CTAGE9: variants seen among roughly 807,000 people sequenced by gnomAD.
CTAGE9 encodes cutaneous T-cell lymphoma-associated antigen 9.
For synonymous variants in CTAGE9, 107 were observed against 315.9 expected, an observed-to-expected ratio of 0.34 and a Z score of 7.01; for missense variants, 248 against 884.0, an observed-to-expected ratio of 0.28 and a Z score of 9.12.
In CTAGE9 at chr6:131,710,784, A is replaced by G; in HGVS notation, c.234T>C (p.Leu78=). 6.2e-7 allele frequency: 1 copy of G among 1,613,324 alleles called. No homozygotes were observed. The highest frequency in any genetic ancestry group is 1.7e-4 in the Middle Eastern group (1 of 5,910). ...SRLYVGREQK[L]GATLSGLIEE... ...CAATTAGTCCAGAAAGCGTTGCACCAAGTTTTTGCTCTCTTCCCACATAAA... is the reference window on the plus strand; with the variant it reads ...CAATTAGTCCAGAAAGCGTTGCACCGAGTTTTTGCTCTCTTCCCACATAAA... The change falls in exon 1 of 1, where the codon CTT becomes CTC. Residue 78 remains leucine (L), a synonymous_variant. Coordinates refer to ENST00000314099, the MANE Select transcript of CTAGE9 (RefSeq NM_001145659.1).
Position 131,709,717 on chromosome 6 carries a change from C to T in CTAGE9, c.1301G>A (p.Arg434Lys), listed in dbSNP as rs551710176. 9 of 1,613,910 alleles carry T rather than the reference C, an allele frequency of 5.6e-6. No individual in the cohort carries two copies. The African/African-American group carries it at 1.2e-4, about 22-fold the overall frequency. ...SHATEELETY[R>K]KLAKDLEEEL... ...TTCTTCAAGATCTTTGGCTAGCTTT[C>T]TATAGGTCTCCAGCTCTTCAGTGGC... The change falls in exon 1 of 1, where the codon AGA becomes AAA. Residue 434 changes from arginine (R) to lysine (K), a missense_variant. Transcript: ENST00000314099.
chr6:131,710,768 CA>C lies in CTAGE9; in HGVS notation c.249del (p.Gly84AspfsTer2), dbSNP rs1454523278. The C allele has an allele frequency of 6.2e-7, 1 of 1,612,826 alleles. No homozygotes were observed. Among genetic ancestry groups the C allele is most frequent in the Non-Finnish European group, 8.5e-7 (1 of 1,179,818 alleles). On this transcript the variant is annotated frameshift_variant, in exon 1 of 1. Transcript: ENST00000314099. LOFTEE classifies it low-confidence loss of function (END_TRUNC). ...AGTTTACATTTTTCTTCAATTAGTC[CA>C]GAAAGCGTTGCACCAAGTTTTTGCT... ...GREQKLGATL[S>X]GLIEEKCKLL...
rs549241984 is a variant in CTAGE9, at chr6:131,709,792, C to T, written c.1226G>A (p.Arg409Gln). 1.1e-4 allele frequency: 178 copies of T among 1,613,370 alleles called. No individual in the cohort carries two copies. The highest frequency in any genetic ancestry group is 1.5e-4 in the Admixed American group (9 of 59,974). Reference sequence around the variant, plus strand: ...AGAAAGCTTCTCTTCTTCCTCTATTCGGTAATTTTCCTCCACTGTTAATTT... The same window carrying T: ...AGAAAGCTTCTCTTCTTCCTCTATTTGGTAATTTTCCTCCACTGTTAATTT... ...YRKLTVEENY[R>Q]IEEEEKLSRV... The change falls in exon 1 of 1, where the codon CGA (arginine) becomes CAA (glutamine). Residue 409 changes from arginine to glutamine, a missense_variant. Coordinates refer to ENST00000314099, the MANE Select transcript of CTAGE9 (RefSeq NM_001145659.1).
In CTAGE9 at chr6:131,710,066, G is replaced by C; in HGVS notation, c.952C>G (p.Leu318Val). ...DDPPKGALKK[L>V]IHAAKLNVSL... ...ACATTTAACTTAGCAGCATGAATCA[G>C]TTTCTTCAAAGCTCCTTTCGGAGGA... The change falls in exon 1 of 1, where the codon CTG (leucine) becomes GTG (valine). Residue 318 changes from leucine (L) to valine (V), a missense_variant. By Grantham distance (32) the Leu-to-Val change is conservative (BLOSUM62 1). Coordinates refer to ENST00000314099, the MANE Select transcript of CTAGE9 (RefSeq NM_001145659.1). 1 of 1,613,316 alleles carries C rather than the reference G, an allele frequency of 6.2e-7. No homozygotes were observed. Among genetic ancestry groups the C allele is most frequent in the Non-Finnish European group, 8.5e-7 (1 of 1,179,902 alleles).
chr6:131,710,737 T>A lies in CTAGE9; in HGVS notation c.281A>T (p.Glu94Val), dbSNP rs1252581144. Residue 94 changes from glutamate (E) to valine (V), a missense_variant, in exon 1 of 1, where the codon GAA becomes GTA. Physicochemically the swap from Glu to Val is moderately radical, Grantham distance 121. Coordinates refer to ENST00000314099, the MANE Select transcript of CTAGE9 (RefSeq NM_001145659.1). Reference sequence around the variant, plus strand: ...CTCTTTTTGAATAAGGCTAAACTTTTCAAGTAGTTTACATTTTTCTTCAAT... The same window carrying A: ...CTCTTTTTGAATAAGGCTAAACTTTACAAGTAGTTTACATTTTTCTTCAAT... ...GLIEEKCKLLEKFSLIQKEYE... is the reference protein window; with the variant it reads ...GLIEEKCKLLVKFSLIQKEYE... 1 of 1,611,566 alleles carries A rather than the reference T, an allele frequency of 6.2e-7. No homozygotes were observed. The highest frequency in any genetic ancestry group is 1.3e-5 in the African/African-American group (1 of 74,332).
Position 131,710,085 on chromosome 6 carries a change from C to T in CTAGE9, c.933G>A (p.Pro311=), listed in dbSNP as rs753264311. The part of the protein sequence containing the change: ...WENGANLDDP[P]KGALKKLIHA... ...GAATCAGTTTCTTCAAAGCTCCTTT[C>T]GGAGGATCATCTAAGTTAGCACCAT... is the stretch of plus-strand genomic sequence containing the variant. Residue 311 remains proline (P), a synonymous_variant, in exon 1 of 1, where the codon CCG becomes CCA. Transcript: ENST00000314099. The T allele has an allele frequency of 5.5e-5, 88 of 1,613,632 alleles. No homozygotes were observed. Among genetic ancestry groups the T allele is most frequent in the East Asian group, 4.5e-4 (20 of 44,878 alleles).
rs758941386 is a variant in CTAGE9 at position 131,708,868 on chromosome 6, C to T, written c.2150G>A (p.Arg717Lys). Reference sequence around the variant, plus strand: ...AGGAGGTGGGGGGAAAGGAGGTCCTCTTCTCATGAATGGGCCCCTTGTATC... The same window carrying T: ...AGGAGGTGGGGGGAAAGGAGGTCCTTTTCTCATGAATGGGCCCCTTGTATC... ...PVDTRGPFMRRGPPFPPPPPG... is the reference protein window; with the variant it reads ...PVDTRGPFMRKGPPFPPPPPG... Residue 717 changes from arginine to lysine, a missense_variant, in exon 1 of 1, where the codon AGA (arginine) becomes AAA (lysine). Arg to Lys is a conservative substitution (Grantham distance 26). Coordinates refer to ENST00000314099, the MANE Select transcript of CTAGE9 (RefSeq NM_001145659.1). The T allele has an allele frequency of 4.4e-6, 7 of 1,608,898 alleles. No homozygotes were observed. The highest frequency in any genetic ancestry group is 2.2e-5 in the East Asian group (1 of 44,822).
chr6:131,710,627 T>C lies in CTAGE9; in HGVS notation c.391A>G (p.Thr131Ala), dbSNP rs749824691. The change falls in exon 1 of 1, where the codon ACC becomes GCC. Residue 131 changes from threonine to alanine, a missense_variant. By Grantham distance (58) the Thr-to-Ala change is moderately conservative. Transcript: ENST00000314099. ...AAEEARSLEA[T>A]CEKLSRSNSE... Reference sequence around the variant, plus strand: ...TTGGACCTGCTCAGCTTTTCACAGGTTGCCTCCAAACTTCGTGCTTCTTCT... The same window carrying C: ...TTGGACCTGCTCAGCTTTTCACAGGCTGCCTCCAAACTTCGTGCTTCTTCT... 4.3e-6 allele frequency: 7 copies of C among 1,613,334 alleles called. No individual in the cohort carries two copies. Among genetic ancestry groups the C allele is most frequent in the South Asian group, 1.1e-5 (1 of 91,040 alleles).
At position 131,708,455 on chromosome 6, in the gene CTAGE9, A is replaced by G. The variant is rs1225005401; in HGVS notation, c.*229T>C. Among the ~76,000 whole-genome samples the G allele has an allele frequency of 6.6e-6, 1 of 152,286 alleles. No individual in the cohort carries two copies. Among genetic ancestry groups the G allele is most frequent in the Admixed American group, 6.5e-5 (1 of 15,290 alleles). ...TACTCATAAGATTCATATTCAAACC[A>G]TCTTTATTTACAAAATACTATCCTG... On this transcript the variant is annotated 3_prime_UTR_variant, in exon 1 of 1. Transcript: ENST00000314099.
chr6:131,709,805 C>T lies in CTAGE9; in HGVS notation c.1213G>A (p.Glu405Lys), dbSNP rs761946852. The change falls in exon 1 of 1, where the codon GAG (glutamate) becomes AAG (lysine). Residue 405 changes from glutamate to lysine, a missense_variant. Physicochemically the swap from Glu to Lys is moderately conservative, Grantham distance 56. Transcript: ENST00000314099. ...TCTTCCTCTATTCGGTAATTTTCCT[C>T]CACTGTTAATTTCCTGTAGAGTTTC... The part of the protein sequence containing the change: ...EMKLYRKLTV[E>K]ENYRIEEEEK... 3.3e-5 allele frequency: 54 copies of T among 1,612,426 alleles called. No individual in the cohort carries two copies. Among genetic ancestry groups the T allele is most frequent in the Admixed American group, 1.2e-4 (7 of 59,832 alleles).
In CTAGE9 at chr6:131,710,550, C is replaced by T. The variant is rs1055401194; in HGVS notation, c.468G>A (p.Glu156=). 3 of 1,611,998 alleles carry T rather than the reference C, an allele frequency of 1.9e-6. No individual in the cohort carries two copies. In the African/African-American group the frequency reaches 4.0e-5, roughly 22 times the overall value. Reference sequence around the variant, plus strand: ...CATCTTGTTGAGAATGTTTAGATTTCTCTTCTTTTAAGTCTTTTTCTAGAC... The same window carrying T: ...CATCTTGTTGAGAATGTTTAGATTTTTCTTCTTTTAAGTCTTTTTCTAGAC... The part of the protein sequence containing the change: ...ILCLEKDLKE[E]KSKHSQQDEL... Residue 156 remains glutamate (E), a synonymous_variant, in exon 1 of 1, where the codon GAG becomes GAA. Transcript: ENST00000314099.
chr6:131,708,909 A>T lies in CTAGE9; in HGVS notation c.2109T>A (p.Gly703=), dbSNP rs202060709. ...CCCTTGTATCCACTGGAAACAATGG[A>T]CCGCTGATTGGAGCAAGAGGTGGAG... ...LIPPPLAPIS[G]PLFPVDTRGP... The change falls in exon 1 of 1, where the codon GGT becomes GGA. Residue 703 remains glycine (G), a synonymous_variant. Transcript: ENST00000314099. 5,012 of 1,605,102 alleles carry T rather than the reference A, an allele frequency of 3.1e-3. 50 individuals are homozygous for T. Among genetic ancestry groups the T allele is most frequent in the Non-Finnish European group, 3.7e-3 (4,364 of 1,177,628 alleles).
Position 131,710,128 on chromosome 6 carries a change from A to G in CTAGE9, c.890T>C (p.Val297Ala). ...AGCACCATTTTCCCATTGACTGTTCACTTTTAATTCCAGGTTATCATCATC... is the reference window on the plus strand; with the variant it reads ...AGCACCATTTTCCCATTGACTGTTCGCTTTTAATTCCAGGTTATCATCATC... ...TTDDDNLELK[V>A]NSQWENGANL... Residue 297 changes from valine to alanine, a missense_variant, in exon 1 of 1, where the codon GTG becomes GCG. Coordinates refer to ENST00000314099, the MANE Select transcript of CTAGE9 (RefSeq NM_001145659.1). 1 of 1,613,982 alleles carries G rather than the reference A, an allele frequency of 6.2e-7. No individual in the cohort carries two copies. Among genetic ancestry groups the G allele is most frequent in the Non-Finnish European group, 8.5e-7 (1 of 1,179,898 alleles).
In CTAGE9 at chr6:131,710,138, C is replaced by T. The variant is rs747406204; in HGVS notation, c.880G>A (p.Glu294Lys). ...TCCCATTGACTGTTCACTTTTAATT[C>T]CAGGTTATCATCATCCGTTGTGTCT... ...EEDTTDDDNL[E>K]LKVNSQWENG... Residue 294 changes from glutamate (E) to lysine (K), a missense_variant, in exon 1 of 1, where the codon GAA becomes AAA. Transcript: ENST00000314099. 5 of 1,613,904 alleles carry T rather than the reference C, an allele frequency of 3.1e-6. No homozygotes were observed. The South Asian group carries it at 4.4e-5, about 14-fold the overall frequency.
chr6:131,710,190 C>T lies in CTAGE9; in HGVS notation c.828G>A (p.Met276Ile), dbSNP rs1272015934. The change falls in exon 1 of 1, where the codon ATG (methionine) becomes ATA (isoleucine). Residue 276 changes from methionine to isoleucine, a missense_variant. Coordinates refer to ENST00000314099, the MANE Select transcript of CTAGE9 (RefSeq NM_001145659.1). ...CTTCAAGCACAGCAGCCTGATCTTTCATCATTGGCAAGTGTCCAGTCAGGG... is the reference window on the plus strand; with the variant it reads ...CTTCAAGCACAGCAGCCTGATCTTTTATCATTGGCAAGTGTCCAGTCAGGG... ...IKTLTGHLPM[M>I]KDQAAVLEED... The T allele has an allele frequency of 1.9e-6, 3 of 1,610,474 alleles. No individual in the cohort carries two copies. The East Asian group carries it at 6.7e-5, about 36-fold the overall frequency.
chr6:131,710,767 C>G lies in CTAGE9; in HGVS notation c.251G>C (p.Gly84Ala). 1 of 1,612,880 alleles carries G rather than the reference C, an allele frequency of 6.2e-7. No individual in the cohort carries two copies. Among genetic ancestry groups the G allele is most frequent in the Non-Finnish European group, 8.5e-7 (1 of 1,179,806 alleles). ...REQKLGATLS[G>A]LIEEKCKLLE... ...TAGTTTACATTTTTCTTCAATTAGT[C>G]CAGAAAGCGTTGCACCAAGTTTTTG... The change falls in exon 1 of 1, where the codon GGA becomes GCA. Residue 84 changes from glycine (G) to alanine (A), a missense_variant. Gly to Ala is a moderately conservative substitution (Grantham distance 60). Coordinates refer to ENST00000314099, the MANE Select transcript of CTAGE9 (RefSeq NM_001145659.1).
rs766268824 is a variant in CTAGE9 at position 131,709,829 on chromosome 6, T to C, written c.1189A>G (p.Lys397Glu). The stretch of plus-strand genomic sequence containing the variant: ...TCCACTGTTAATTTCCTGTAGAGTT[T>C]CATTTCATTTTCTTGATAGAATTCA... ...MTEFYQENEM[K>E]LYRKLTVEEN... Residue 397 changes from lysine to glutamate, a missense_variant, in exon 1 of 1, where the codon AAA (lysine) becomes GAA (glutamate). Transcript: ENST00000314099. The C allele has an allele frequency of 6.2e-7, 1 of 1,606,134 alleles. No homozygotes were observed. Among genetic ancestry groups the C allele is most frequent in the Non-Finnish European group, 8.5e-7 (1 of 1,177,884 alleles).
In CTAGE9 at chr6:131,709,787, C is replaced by G. The variant is rs746243000; in HGVS notation, c.1231G>C (p.Glu411Gln). The G allele has an allele frequency of 6.2e-7, 1 of 1,613,500 alleles. No homozygotes were observed. Among genetic ancestry groups the G allele is most frequent in the African/African-American group, 1.3e-5 (1 of 74,858 alleles). Residue 411 changes from glutamate to glutamine, a missense_variant, in exon 1 of 1, where the codon GAG becomes CAG. Physicochemically the swap from Glu to Gln is conservative, Grantham distance 29 (BLOSUM62 2). Coordinates refer to ENST00000314099, the MANE Select transcript of CTAGE9 (RefSeq NM_001145659.1). ...ACTCTAGAAAGCTTCTCTTCTTCCTCTATTCGGTAATTTTCCTCCACTGTT... is the reference window on the plus strand; with the variant it reads ...ACTCTAGAAAGCTTCTCTTCTTCCTGTATTCGGTAATTTTCCTCCACTGTT... ...KLTVEENYRIEEEEKLSRVEE... is the reference protein window; with the variant it reads ...KLTVEENYRIQEEEKLSRVEE...
At position 131,709,501 on chromosome 6, in the gene CTAGE9, G is replaced by A. The variant is rs1431150118; in HGVS notation, c.1517C>T (p.Ala506Val). ...AAATGCTGTATTTGAAACATCGAGT[G>A]CATTAGGATCTTTTTCTAAAAGTTC... ...KFELLEKDPN[A>V]LDVSNTAFGR... is the part of the protein sequence containing the mutation. Residue 506 changes from alanine (A) to valine (V), a missense_variant, in exon 1 of 1, where the codon GCA becomes GTA. Coordinates refer to ENST00000314099, the MANE Select transcript of CTAGE9 (RefSeq NM_001145659.1). 1.2e-6 allele frequency: 2 copies of A among 1,613,318 alleles called. No individual in the cohort carries two copies. The highest frequency in any genetic ancestry group is 1.7e-6 in the Non-Finnish European group (2 of 1,179,784).
Sources: gnomAD v4.1 joint callset for allele counts (sites outside exome capture counted in the v4.1 genomes callset) on GRCh38, gnomAD v4.1.1 for gene constraint, MANE v1.5 for transcripts, NCBI Gene and HGNC (gene_info 2026-07-23, HGNC 2026-07-21) for gene names.